The following LRRC28 variants were observed in gnomAD, a reference collection of about 807,000 sequenced individuals.
LRRC28 encodes leucine rich repeat containing 28.
In LRRC28, 39 loss-of-function variants were observed where a neutral mutation model predicts 45.7. The ratio of observed to expected loss-of-function variants is 0.85; its 90% CI spans 0.66 to 1.12. The LOEUF is 1.12. Ranked by LOEUF, LRRC28 falls within the 50% of genes most tolerant of loss-of-function variation. LRRC28 has a pLI of 0.00. For missense variants in LRRC28, 435 were observed against 438.5 expected, an observed-to-expected ratio of 0.99 and a Z score of 0.07; for synonymous variants, 206 against 178.8, an observed-to-expected ratio of 1.15 and a Z score of -1.22.
chr15:99,324,851 A>G (rs1225486626), intron 5 of LRRC28, among the ~76,000 whole-genome samples: 2 of 152,306 alleles, frequency 1.3e-5, no homozygotes, highest in South Asian at 4.1e-4. Flanking sequence ...TGAAAAGAGT[A>G]GGATTCTACC....
chr15:99,321,451 G>A (rs909897267), intron 5 of LRRC28, among the ~76,000 whole-genome samples: 4 of 152,160 alleles, frequency 2.6e-5, no homozygotes, highest in African/African-American at 7.2e-5. Context: ...GGCAGCTGGC[G>A]TTCGGTCAGT....
At position 99,280,359 on chromosome 15, in the gene LRRC28, ACT is replaced by A. The variant is rs1326944659; in HGVS notation, c.209+3746_209+3747del. ...CATGCTTTTGATGGCAAGTCTAAAA[ACT>A]CTGTGTCTAGCCCTAGGTCCCAAAG... On this transcript the variant is annotated intron_variant, in intron 3 of 9. Transcript: ENST00000301981. Among the ~76,000 whole-genome samples, 11 of 151,552 alleles carry A rather than the reference ACT, an allele frequency of 7.3e-5. No homozygotes were observed. In the East Asian group the frequency reaches 1.7e-3, roughly 24 times the overall value.
chr15:99,387,201 C>A lies in LRRC28; in HGVS notation c.*1099C>A, dbSNP rs1377014899. Reference sequence around the variant, plus strand: ...TCAGCCTCCCAAGTAGCTGGGACCACAGGCGCCCGCCACCACGCCCGGCTA... The same window carrying A: ...TCAGCCTCCCAAGTAGCTGGGACCAAAGGCGCCCGCCACCACGCCCGGCTA... On this transcript the variant is annotated 3_prime_UTR_variant, in exon 10 of 10. Transcript: ENST00000301981. 1.4e-5 allele frequency: 2 copies of A among 145,098 alleles called. No individual in the cohort carries two copies. The highest frequency in any genetic ancestry group is 3.0e-5 in the Non-Finnish European group (2 of 65,972). 9.0% of individuals were successfully genotyped at this position (145,098 alleles called of 1,614,324 possible).
At chr15:99,284,882 A>G (rs766064223) in intron 3 of LRRC28, 3 of 577,420 alleles carry the variant, frequency 5.2e-6, no homozygotes, top group South Asian at 4.1e-5. Context: ...ATCTACCATC[A>G]CCATGGCTGC....
chr15:99,293,457 G>A lies in LRRC28; in HGVS notation c.385+5506G>A, dbSNP rs139985787. Among the ~76,000 whole-genome samples the A allele has an allele frequency of 5.4e-3, 822 of 151,682 alleles. 9 individuals carry two copies. The highest frequency in any genetic ancestry group is 0.019 in the African/African-American group (766 of 41,386). On this transcript the variant is annotated intron_variant, in intron 5 of 9. Coordinates refer to ENST00000301981, the MANE Select transcript of LRRC28 (RefSeq NM_144598.5). ...AAAAATACAAAATTAGCCAGGCGTGGTGGCGCATGCCTGTAATCCCAGCTA... is the reference window on the plus strand; with the variant it reads ...AAAAATACAAAATTAGCCAGGCGTGATGGCGCATGCCTGTAATCCCAGCTA...
intron 7 of LRRC28, among the ~76,000 whole-genome samples, chr15:99,360,376 C>T (rs142009610): frequency 0.011 from 1,645 of 152,208 alleles, 28 homozygotes; most frequent in African/African-American, 0.037. Context: ...TTTGCCCCCA[C>T]ATTAGAATAA....
At chr15:99,313,600 A>G (rs1255350157) in intron 5 of LRRC28, among the ~76,000 whole-genome samples, 3 of 152,178 alleles carry the variant, frequency 2.0e-5, no homozygotes, top group Non-Finnish European at 4.4e-5. Flanking sequence ...TTACCATCTG[A>G]TAATCATTTT....
chr15:99,292,707 G>A (rs967447789), intron 5 of LRRC28, among the ~76,000 whole-genome samples: 5 of 152,290 alleles, frequency 3.3e-5, no homozygotes, highest in African/African-American at 1.2e-4. Context: ...GGTTCTACAC[G>A]GGTATGTCCA....
intron 5 of LRRC28, chr15:99,333,711 C>T: frequency 1.7e-6 from 1 of 597,392 alleles, no homozygotes; most frequent in Non-Finnish European, 2.9e-6. Flanking sequence ...GCCCTTTTCT[C>T]CATTTAAGAA....
intron 5 of LRRC28, among the ~76,000 whole-genome samples, chr15:99,299,568 A>G (rs1489617847): frequency 6.6e-6 from 1 of 152,190 alleles, no homozygotes; most frequent in Non-Finnish European, 1.5e-5. Context: ...TTGTGTTTCA[A>G]CTTGTTAAAG....
chr15:99,287,911 T>C lies in LRRC28; in HGVS notation c.345T>C (p.His115=). Residue 115 remains histidine, a synonymous_variant, in exon 5 of 10, where the codon CAT becomes CAC. Coordinates refer to ENST00000301981, the MANE Select transcript of LRRC28 (RefSeq NM_144598.5). ...PEIGRLRALR[H]LRLANNQLQF... ...TTGGTCGTCTGAGAGCTTTACGTCA[T>C]CTTCGATTAGCTAATAACCAACTGC... 6.2e-7 allele frequency: 1 copy of C among 1,613,882 alleles called. No homozygotes were observed. The highest frequency in any genetic ancestry group is 8.5e-7 in the Non-Finnish European group (1 of 1,179,866).
chr15:99,263,118 T>C (rs2081243266), intron 2 of LRRC28, among the ~76,000 whole-genome samples: 1 of 146,502 alleles, frequency 6.8e-6, no homozygotes, highest in Non-Finnish European at 1.5e-5. Context: ...AAGACCAGCC[T>C]GGGCAACATC....
At chr15:99,270,080 A>G (rs967931713) in intron 2 of LRRC28, among the ~76,000 whole-genome samples, 2 of 152,214 alleles carry the variant, frequency 1.3e-5, no homozygotes, top group African/African-American at 4.8e-5. Flanking sequence ...AAAGAGGTCT[A>G]CCACAGTTTT....
intron 2 of LRRC28, among the ~76,000 whole-genome samples, chr15:99,263,169 A>G (rs28425612): frequency 0.022 from 3,018 of 139,298 alleles, 94 homozygotes; most frequent in African/African-American, 0.075. Flanking sequence ...AAAAAAAAAA[A>G]TAGCTGGTTG....
At chr15:99,357,450 C>CATGTTGA in intron 7 of LRRC28, among the ~76,000 whole-genome samples, 1 of 152,146 alleles carries the variant, frequency 6.6e-6, no homozygotes, top group Non-Finnish European at 1.5e-5. Context: ...TGGATGAATT[C>CATGTTGA]CAGAAGTATA....
chr15:99,355,127 T>C (rs1957008840), intron 7 of LRRC28, among the ~76,000 whole-genome samples: 1 of 152,258 alleles, frequency 6.6e-6, no homozygotes, highest in South Asian at 2.1e-4. Context: ...TAAAATTCTT[T>C]TGTATTCATG....
intron 9 of LRRC28, among the ~76,000 whole-genome samples, chr15:99,374,643 G>T (rs1171933128): frequency 6.6e-6 from 1 of 151,488 alleles, no homozygotes; most frequent in Non-Finnish European, 1.5e-5. Flanking sequence ...TGCTGACTAA[G>T]GTTGTGAAAA....
In LRRC28 at chr15:99,352,396, A is replaced by T. The variant is rs746017164; in HGVS notation, c.620A>T (p.Tyr207Phe). The T allele has an allele frequency of 6.2e-7, 1 of 1,613,978 alleles. No homozygotes were observed. Among genetic ancestry groups the T allele is most frequent in the Non-Finnish European group, 8.5e-7 (1 of 1,179,952 alleles). Reference protein sequence around the residue: ...LDLGRSRELQYVYVDNNIHLK... With the variant: ...LDLGRSRELQFVYVDNNIHLK... ...TTAGGTCGATCTCGAGAACTACAGT[A>T]TGTATACGTGGATAACAACATTCAC... The change falls in exon 7 of 10, where the codon TAT becomes TTT. Residue 207 changes from tyrosine (Y) to phenylalanine (F), a missense_variant. Physicochemically the swap from Tyr to Phe is conservative, Grantham distance 22. Coordinates refer to ENST00000301981, the MANE Select transcript of LRRC28 (RefSeq NM_144598.5).
intron 6 of LRRC28, among the ~76,000 whole-genome samples, chr15:99,340,302 A>G (rs1051604231): frequency 1.3e-5 from 2 of 152,262 alleles, no homozygotes; most frequent in Admixed American, 6.5e-5. Flanking sequence ...TTCAAAGCAC[A>G]TGCTGAAATC....
Sources: allele counts gnomAD v4.1 joint callset (sites outside exome capture counted in the v4.1 genomes callset), GRCh38; gene constraint gnomAD v4.1.1; transcripts MANE v1.5; gene names NCBI Gene and HGNC (gene_info 2026-07-23, HGNC 2026-07-21).